KCNH7: variants seen among roughly 807,000 people sequenced by gnomAD.
KCNH7 encodes the protein voltage-gated inwardly rectifying potassium channel KCNH7.
A neutral mutation model predicts 120.8 loss-of-function variants in KCNH7; 49 were observed. That is an observed-to-expected ratio of 0.41 (90% confidence interval 0.32 to 0.51). KCNH7 has a LOEUF of 0.51. KCNH7 is among the 20% of genes least tolerant of loss of function. KCNH7 has a pLI of 0.38. For synonymous variants in KCNH7, 547 were observed against 516.1 expected, an observed-to-expected ratio of 1.06 and a Z score of -0.81; for missense variants, 1,097 against 1,446.6, an observed-to-expected ratio of 0.76 and a Z score of 3.92.
chr2:162,724,949 A>T (rs1469112323), intron 2 of KCNH7, among the ~76,000 whole-genome samples: 1 of 152,176 alleles, frequency 6.6e-6, no homozygotes, highest in Non-Finnish European at 1.5e-5. Context: ...GACTCACTGA[A>T]GTGTGTTTTA....
intron 5 of KCNH7, among the ~76,000 whole-genome samples, chr2:162,509,393 T>C (rs535081922): frequency 6.6e-6 from 1 of 151,692 alleles, no homozygotes; most frequent in African/African-American, 2.4e-5. Flanking sequence ...AAGGTTGTTT[T>C]TAAATCATCA....
At chr2:162,445,956 A>T in intron 7 of KCNH7, 62 bp downstream of exon 7, 1 of 1,331,198 alleles carries the variant, frequency 7.5e-7, no homozygotes, top group Non-Finnish European at 1.0e-6. Flanking sequence ...TTTTGCAGTT[A>T]AAATAGATTC....
chr2:162,448,053 G>T (rs994356851), intron 6 of KCNH7, among the ~76,000 whole-genome samples: 1 of 152,024 alleles, frequency 6.6e-6, no homozygotes, highest in Non-Finnish European at 1.5e-5. Flanking sequence ...GCTATTATGA[G>T]AAATGATGGC....
chr2:162,807,418 T>C (rs1460537711), intron 2 of KCNH7, among the ~76,000 whole-genome samples: 7 of 151,646 alleles, frequency 4.6e-5, no homozygotes, highest in Admixed American at 3.3e-4. Context: ...GCCTAGGCAA[T>C]AGAGCAAGAC....
chr2:162,798,844 G>A (rs1258200898), intron 2 of KCNH7, among the ~76,000 whole-genome samples: 1 of 151,380 alleles, frequency 6.6e-6, no homozygotes, highest in Non-Finnish European at 1.5e-5. Flanking sequence ...ACAACACTAT[G>A]AATGAAAAGC....
chr2:162,809,167 A>G (rs190924030), intron 2 of KCNH7, among the ~76,000 whole-genome samples: 265 of 152,334 alleles, frequency 1.7e-3, no homozygotes, highest in Non-Finnish European at 2.3e-3. Context: ...ACTGTGATAT[A>G]GAATTAAGAC....
At chr2:162,698,484 A>G (rs941492142) in intron 2 of KCNH7, among the ~76,000 whole-genome samples, 5 of 149,900 alleles carry the variant, frequency 3.3e-5, no homozygotes, top group African/African-American at 1.2e-4. Context: ...GCTTATTAAT[A>G]TGCCATTTAA....
chr2:162,704,422 C>T (rs1159972503), intron 2 of KCNH7, among the ~76,000 whole-genome samples: 1 of 152,028 alleles, frequency 6.6e-6, no homozygotes, highest in Non-Finnish European at 1.5e-5. Context: ...TTTTTTCTTC[C>T]CATGAGTTTA....
intron 3 of KCNH7, among the ~76,000 whole-genome samples, chr2:162,527,118 G>A (rs919609807): frequency 6.6e-6 from 1 of 151,878 alleles, no homozygotes; most frequent in Non-Finnish European, 1.5e-5. Flanking sequence ...TCAAATCCTG[G>A]GGGGTGGGAG....
chr2:162,579,432 C>G (rs775530727), intron 2 of KCNH7, among the ~76,000 whole-genome samples: 5 of 151,942 alleles, frequency 3.3e-5, no homozygotes, highest in Admixed American at 6.6e-5. Flanking sequence ...ATCACTTTTC[C>G]AAGGAGGTAA....
chr2:162,775,857 A>G (rs886404202), intron 2 of KCNH7, among the ~76,000 whole-genome samples: 1 of 152,214 alleles, frequency 6.6e-6, no homozygotes, highest in African/African-American at 2.4e-5. Context: ...ACAGATCAAC[A>G]GTGTGGATGC....
At chr2:162,745,173 C>A (rs1397704504) in intron 2 of KCNH7, among the ~76,000 whole-genome samples, 1 of 152,026 alleles carries the variant, frequency 6.6e-6, no homozygotes, top group Non-Finnish European at 1.5e-5. Flanking sequence ...AGCTTCTAGC[C>A]CATTAGAGAC....
intron 2 of KCNH7, among the ~76,000 whole-genome samples, chr2:162,639,783 T>C (rs1239248443): frequency 6.6e-6 from 1 of 152,056 alleles, no homozygotes; most frequent in East Asian, 1.9e-4. Context: ...AATAAAACTG[T>C]TCCTATTTGT....
chr2:162,430,609 G>A (rs907484638), intron 8 of KCNH7, among the ~76,000 whole-genome samples: 4 of 151,980 alleles, frequency 2.6e-5, no homozygotes, highest in African/African-American at 4.8e-5. Context: ...TTCTTTCAGG[G>A]ATCAAACTTC....
chr2:162,582,914 C>T (rs557047951), intron 2 of KCNH7, among the ~76,000 whole-genome samples: 1 of 152,158 alleles, frequency 6.6e-6, no homozygotes, highest in East Asian at 1.9e-4. Flanking sequence ...AAATCAGAAA[C>T]AAATGAGAGT....
chr2:162,660,082 T>C (rs1039558729), intron 2 of KCNH7, among the ~76,000 whole-genome samples: 2 of 152,120 alleles, frequency 1.3e-5, no homozygotes, highest in Non-Finnish European at 2.9e-5. Context: ...CAGCTTTTTG[T>C]TTCATCGGTT....
intron 15 of KCNH7, 66 bp from the exon 16 acceptor site, chr2:162,372,161 C>G: frequency 8.0e-7 from 1 of 1,255,182 alleles, no homozygotes. Context: ...GAAAATTACA[C>G]TAATAAAAAC....
intron 2 of KCNH7, among the ~76,000 whole-genome samples, chr2:162,825,917 TA>T (rs1685268646): frequency 6.6e-6 from 1 of 152,146 alleles, no homozygotes; most frequent in South Asian, 2.1e-4. Flanking sequence ...GCCATCATTG[TA>T]ACAGTGGATA....
chr2:162,715,695 G>A (rs546415816), intron 2 of KCNH7, among the ~76,000 whole-genome samples: 1 of 152,270 alleles, frequency 6.6e-6, no homozygotes, highest in East Asian at 1.9e-4. Context: ...TTGTGATATT[G>A]TACTACAGTT....
Sources: allele counts gnomAD v4.1 joint callset (sites outside exome capture counted in the v4.1 genomes callset), GRCh38; gene constraint gnomAD v4.1.1; transcripts MANE v1.5; gene names NCBI Gene and HGNC (gene_info 2026-07-23, HGNC 2026-07-21).